DLGAP2: variants seen among roughly 807,000 people sequenced by gnomAD.
DLGAP2 encodes the protein DLG associated protein 2.
Under a neutral mutation model 100.3 loss-of-function variants are expected in DLGAP2, and 26 were observed. The observed-to-expected ratio is 0.26, with a 90% CI of 0.19 to 0.36. DLGAP2 has a LOEUF of 0.36. Among genes scored for constraint, DLGAP2 ranks in the 10% least tolerant of loss-of-function variants. The probability of loss-of-function intolerance (pLI) is 1.00; values close to 1 mark genes in which losing one functional copy is unlikely to be tolerated. For missense variants in DLGAP2, 1,858 were observed against 1,453.2 expected (o/e 1.28, Z -4.53); for synonymous variants, 886 against 630.1 (o/e 1.41, Z -6.08).
In DLGAP2 at chr8:1,704,614, A is replaced by T. The variant is rs758242579; in HGVS notation, c.*3208A>T. The T allele has an allele frequency of 2.1e-4, 32 of 152,248 alleles. No homozygotes were observed. Among genetic ancestry groups the T allele is most frequent in the Admixed American group, 2.6e-4 (4 of 15,284 alleles). 9.4% of individuals were successfully genotyped at this position (152,248 alleles called of 1,614,324 possible). On this transcript the variant is annotated 3_prime_UTR_variant, in exon 15 of 15. Transcript: ENST00000637795. ...ACCATCTTAGAATGGTATATAAAAAAATTGAACTGTTTATGATACCAAAAA... is the reference window on the plus strand; with the variant it reads ...ACCATCTTAGAATGGTATATAAAAATATTGAACTGTTTATGATACCAAAAA...
In DLGAP2 at chr8:953,424, C is replaced by T. The variant is rs368550653; in HGVS notation, c.73+45458C>T. Among the ~76,000 whole-genome samples the T allele has an allele frequency of 1.1e-3, 160 of 152,276 alleles. 1 individual carries two copies. In the South Asian group the frequency reaches 0.018, roughly 17 times the overall value. Reference sequence around the variant, plus strand: ...GGCCAGGCTGGTCTTGAACTCCTGACGTCGTGATCCACCCACATCAGCTTC... The same window carrying T: ...GGCCAGGCTGGTCTTGAACTCCTGATGTCGTGATCCACCCACATCAGCTTC... On this transcript the variant is annotated intron_variant, in intron 2 of 14. Transcript: ENST00000637795.
intron 2 of DLGAP2, among the ~76,000 whole-genome samples, chr8:1,136,308 A>AAT (rs909832323): frequency 6.6e-6 from 1 of 151,768 alleles, no homozygotes; most frequent in African/African-American, 2.4e-5. Flanking sequence ...CGTAAAAAAA[A>AAT]ACTCCCCTCC....
intron 4 of DLGAP2, among the ~76,000 whole-genome samples, chr8:1,507,818 C>A (rs946201820): frequency 6.6e-6 from 1 of 151,018 alleles, no homozygotes; most frequent in Non-Finnish European, 1.5e-5. Context: ...CCACCCACCA[C>A]CCTCCCTCCC....
At chr8:1,629,680 C>G (rs1797594894) in intron 7 of DLGAP2, among the ~76,000 whole-genome samples, 1 of 152,144 alleles carries the variant, frequency 6.6e-6, no homozygotes, top group South Asian at 2.1e-4. Flanking sequence ...CCTAGTTTAC[C>G]AAAATACAGC....
At chr8:1,222,346 G>C (rs1258888829) in intron 2 of DLGAP2, among the ~76,000 whole-genome samples, 1 of 152,162 alleles carries the variant, frequency 6.6e-6, no homozygotes, top group African/African-American at 2.4e-5. Flanking sequence ...GATTTCAAGG[G>C]ATAAAGGCTC....
intron 1 of DLGAP2, among the ~76,000 whole-genome samples, chr8:786,899 A>G (rs1821881987): frequency 6.6e-6 from 1 of 152,048 alleles, no homozygotes; most frequent in African/African-American, 2.4e-5. Context: ...CAGCTCACCT[A>G]GAACCTCTAA....
Position 798,255 on chromosome 8 carries a change from T to G in DLGAP2, c.18+60430T>G, listed in dbSNP as rs1171529238. On this transcript the variant is annotated intron_variant, in intron 1 of 14. Transcript: ENST00000637795. ...GCTTCCATTGGCACTGAAAGCAAAC[T>G]CTTGTTGATTCAGGACCTGCAGCCC... 2.4e-3 allele frequency among the ~76,000 whole-genome samples: 253 copies of G among 104,026 alleles called. No homozygotes were observed. In the Middle Eastern group the frequency reaches 0.035, roughly 14 times the overall value. 68.2% of individuals were successfully genotyped at this position (104,026 alleles called of 152,430 possible).
rs1308540345 is a variant in DLGAP2 at position 1,282,177 on chromosome 8, A to G, written c.106+23294A>G. Among the ~76,000 whole-genome samples the G allele has an allele frequency of 6.1e-5, 9 of 147,712 alleles. No homozygotes were observed. In the East Asian group the frequency reaches 1.8e-3, roughly 30 times the overall value. On this transcript the variant is annotated intron_variant, in intron 3 of 14. Transcript: ENST00000637795. ...ACCATCCAGACGTGGTGTGACCTGA[A>G]CCCAGCACGTGAACCATCCGGACAT...
At chr8:1,620,801 C>T (rs560032681) in intron 6 of DLGAP2, among the ~76,000 whole-genome samples, 1 of 152,316 alleles carries the variant, frequency 6.6e-6, no homozygotes, top group African/African-American at 2.4e-5. Context: ...CCGTCCTGAG[C>T]TCCCAGCTCA....
chr8:1,141,464 G>T (rs1286892377), intron 2 of DLGAP2, among the ~76,000 whole-genome samples: 1 of 152,112 alleles, frequency 6.6e-6, no homozygotes, highest in Non-Finnish European at 1.5e-5. Flanking sequence ...CTGATGGTTA[G>T]AAGAGAGCCT....
At chr8:1,429,261 T>C (rs1274186089) in intron 3 of DLGAP2, among the ~76,000 whole-genome samples, 1 of 152,144 alleles carries the variant, frequency 6.6e-6, no homozygotes, top group East Asian at 1.9e-4. Context: ...GGTTTCTGAT[T>C]GGTAAGGGCT....
At chr8:1,419,780 C>T (rs915852101) in intron 3 of DLGAP2, among the ~76,000 whole-genome samples, 5 of 152,126 alleles carry the variant, frequency 3.3e-5, no homozygotes, top group Non-Finnish European at 7.3e-5. Context: ...TTAGTCTAGC[C>T]ACTAAGGAAA....
intron 5 of DLGAP2, among the ~76,000 whole-genome samples, chr8:1,560,332 C>T (rs1312625062): frequency 6.6e-6 from 1 of 152,134 alleles, no homozygotes; most frequent in Non-Finnish European, 1.5e-5. Flanking sequence ...TTTTGGGTAG[C>T]TGGGTAGTAT....
chr8:1,182,296 A>T (rs1279655089), intron 2 of DLGAP2, among the ~76,000 whole-genome samples: 1 of 152,234 alleles, frequency 6.6e-6, no homozygotes, highest in Non-Finnish European at 1.5e-5. Context: ...AGCTGTGTTC[A>T]CCTGAGGTCC....
chr8:1,668,939 AC>A (rs1798618508), intron 9 of DLGAP2, among the ~76,000 whole-genome samples: 1 of 143,850 alleles, frequency 7.0e-6, no homozygotes, highest in African/African-American at 2.7e-5. Flanking sequence ...GTCCCCTGCC[AC>A]CCTGAAAATA....
chr8:1,318,374 T>A lies in DLGAP2; in HGVS notation c.106+59491T>A, dbSNP rs149235188. On this transcript the variant is annotated intron_variant, in intron 3 of 14. Coordinates refer to ENST00000637795, the MANE Select transcript of DLGAP2 (RefSeq NM_001346810.2). ...TATTTTCAAAACCATCTTCATATTGTATTTCTCCCACAGGGCTCCCCACTG... is the reference window on the plus strand; with the variant it reads ...TATTTTCAAAACCATCTTCATATTGAATTTCTCCCACAGGGCTCCCCACTG... Among the ~76,000 whole-genome samples the A allele has an allele frequency of 6.5e-3, 987 of 151,874 alleles. 8 individuals carry two copies. The highest frequency in any genetic ancestry group is 0.022 in the African/African-American group (929 of 41,414).
At chr8:1,493,269 T>C (rs1177578388) in intron 3 of DLGAP2, among the ~76,000 whole-genome samples, 1 of 152,174 alleles carries the variant, frequency 6.6e-6, no homozygotes, top group East Asian at 1.9e-4. Context: ...TCCGCAGCTC[T>C]GAGACACGCC....
At chr8:1,155,722 G>T (rs1360942843) in intron 2 of DLGAP2, among the ~76,000 whole-genome samples, 1 of 151,818 alleles carries the variant, frequency 6.6e-6, no homozygotes, top group Non-Finnish European at 1.5e-5. Flanking sequence ...TCACTTCCCC[G>T]TCCGCGCGGG....
chr8:797,312 A>AT (rs1260245955), intron 1 of DLGAP2, among the ~76,000 whole-genome samples: 4 of 152,280 alleles, frequency 2.6e-5, no homozygotes, highest in Admixed American at 2.0e-4. Context: ...TAGAGTATGT[A>AT]TTTTTTTGAC....
Sources: allele counts gnomAD v4.1 joint callset (sites outside exome capture counted in the v4.1 genomes callset), GRCh38; gene constraint gnomAD v4.1.1; transcripts MANE v1.5; gene names NCBI Gene and HGNC (gene_info 2026-07-23, HGNC 2026-07-21).